SCN4B: variants seen among roughly 807,000 people sequenced by gnomAD.
SCN4B encodes the protein sodium voltage-gated channel beta subunit 4.
SCN4B carries 20 observed loss-of-function variants against 19.6 expected under a neutral mutation model. That is an observed-to-expected ratio of 1.02 (90% CI 0.72 to 1.48). The LOEUF is 1.48. Ranked by LOEUF, SCN4B falls within the 40% of genes most tolerant of loss-of-function variation. SCN4B has a pLI of 0.00. For missense variants in SCN4B, 271 were observed against 287.5 expected (o/e 0.94, Z 0.42); for synonymous variants, 127 against 122.8 (o/e 1.03, Z -0.22).
intron 4 of SCN4B, among the ~76,000 whole-genome samples, chr11:118,137,945 G>A (rs2135498470): frequency 6.6e-6 from 1 of 152,308 alleles, no homozygotes. Context: ...CAGTGGGTTT[G>A]GCTTCAAGGG....
intron 1 of SCN4B, among the ~76,000 whole-genome samples, chr11:118,145,883 C>T (rs1948167339): frequency 6.6e-6 from 1 of 152,164 alleles, no homozygotes; most frequent in African/African-American, 2.4e-5. Flanking sequence ...GCCCTCTGGC[C>T]GCCAAACGGG....
chr11:118,136,452 G>A lies in SCN4B; in HGVS notation c.*575C>T. ...ATAGGCAGATAGGGTCCCGGGGCAG[G>A]GGAAAGGAAGTTTCCTACTTGGAAG... On this transcript the variant is annotated 3_prime_UTR_variant, in exon 5 of 5. Coordinates refer to ENST00000324727, the MANE Select transcript of SCN4B (RefSeq NM_174934.4). The A allele has an allele frequency of 2.2e-6, 1 of 453,882 alleles. No homozygotes were observed. The highest frequency in any genetic ancestry group is 4.4e-6 in the Non-Finnish European group (1 of 226,714). The allele number at this position is 453,882 out of a possible 1,614,324, so 28.1% of individuals were successfully genotyped here.
intron 3 of SCN4B, 91 bp downstream of exon 3, chr11:118,143,742 C>A: frequency 2.3e-6 from 2 of 862,064 alleles, no homozygotes; most frequent in South Asian, 2.8e-5. Flanking sequence ...AACACCAACA[C>A]GGTCCATTTT....
chr11:118,152,278 A>C (rs542307397), intron 1 of SCN4B, among the ~76,000 whole-genome samples: 2 of 151,734 alleles, frequency 1.3e-5, no homozygotes, highest in South Asian at 4.2e-4. Context: ...CAAGGCACGG[A>C]CCCCCCTCCT....
intron 3 of SCN4B, among the ~76,000 whole-genome samples, chr11:118,142,246 C>T (rs964419075): frequency 6.6e-6 from 1 of 152,236 alleles, no homozygotes; most frequent in African/African-American, 2.4e-5. Flanking sequence ...AGGGTGATTA[C>T]ACAATCTGGC....
intron 1 of SCN4B, among the ~76,000 whole-genome samples, chr11:118,151,122 GCACACACACACACACA>G (rs3837425): frequency 4.7e-5 from 7 of 149,130 alleles, no homozygotes; most frequent in East Asian, 2.0e-4. Context: ...TTACACACGT[GCACACACACACACACA>G]CACACACACA....
intron 1 of SCN4B, among the ~76,000 whole-genome samples, chr11:118,146,197 C>T (rs1165469375): frequency 6.6e-6 from 1 of 152,194 alleles, no homozygotes; most frequent in Non-Finnish European, 1.5e-5. Context: ...CGAACCTCCG[C>T]CCCAGCACTC....
At chr11:118,142,109 G>C (rs1948106593) in intron 3 of SCN4B, among the ~76,000 whole-genome samples, 1 of 152,256 alleles carries the variant, frequency 6.6e-6, no homozygotes, top group African/African-American at 2.4e-5. Context: ...TTGCATGGAT[G>C]TCTGCAATAG....
chr11:118,140,324 C>T (rs942285147), intron 4 of SCN4B, among the ~76,000 whole-genome samples: 2 of 152,142 alleles, frequency 1.3e-5, no homozygotes, highest in Non-Finnish European at 2.9e-5. Context: ...CTGTATGGCC[C>T]CTCCCTACCT....
At position 118,143,870 on chromosome 11, in the gene SCN4B, C is replaced by A; in HGVS notation, c.426G>T (p.Gln142His). The A allele has an allele frequency of 1.2e-6, 2 of 1,612,980 alleles. No homozygotes were observed. The highest frequency in any genetic ancestry group is 1.7e-6 in the Non-Finnish European group (2 of 1,179,962). Residue 142 changes from glutamine to histidine, a missense_variant, in exon 3 of 5, where the codon CAG (glutamine) becomes CAT (histidine). Transcript: ENST00000324727. ...HVKNPKENNL[Q>H]HHATIFLQVV... ...CTTGGAGGAAGATGGTGGCGTGGTG[C>A]TGGAGATTATTCTCCTTGGGGTTCT... is the stretch of plus-strand genomic sequence containing the variant.
intron 2 of SCN4B, 71 bp downstream of exon 2, chr11:118,144,986 G>A: frequency 6.7e-7 from 1 of 1,483,740 alleles, no homozygotes. Context: ...AGTCCAGAAG[G>A]GACCAGAGCG....
At chr11:118,149,426 G>A (rs1948214742) in intron 1 of SCN4B, among the ~76,000 whole-genome samples, 1 of 152,226 alleles carries the variant, frequency 6.6e-6, no homozygotes, top group Non-Finnish European at 1.5e-5. Flanking sequence ...AGAGCTGGGG[G>A]GCAGAAAGTG....
chr11:118,147,403 A>G (rs1485727762), intron 1 of SCN4B, among the ~76,000 whole-genome samples: 2 of 152,224 alleles, frequency 1.3e-5, no homozygotes, highest in Non-Finnish European at 2.9e-5. Context: ...AAATGAGGAA[A>G]CAGGCTTAAA....
intron 3 of SCN4B, among the ~76,000 whole-genome samples, chr11:118,142,442 C>G (rs193236407): frequency 6.6e-6 from 1 of 152,252 alleles, no homozygotes; most frequent in African/African-American, 2.4e-5. Context: ...GAGCCCTTCC[C>G]TATTCACCCT....
intron 1 of SCN4B, among the ~76,000 whole-genome samples, chr11:118,151,938 A>C (rs1374812321): frequency 6.6e-6 from 1 of 152,254 alleles, no homozygotes; most frequent in Non-Finnish European, 1.5e-5. Flanking sequence ...CACTTCAAAA[A>C]TGAAGAGCCA....
chr11:118,150,471 C>T (rs1440454604), intron 1 of SCN4B, among the ~76,000 whole-genome samples: 2 of 152,062 alleles, frequency 1.3e-5, no homozygotes, highest in Non-Finnish European at 2.9e-5. Flanking sequence ...CACTCATGCC[C>T]CAGAGCCTCA....
Position 118,143,991 on chromosome 11 carries a change from G to T in SCN4B, c.305C>A (p.Thr102Asn). ...KVTLKDDDRI[T>N]LVGSTKEKMN... ...CTTCTCCTTAGTAGAGCCTACCAGA[G>T]TGATGCGGTCATCGTCTTTCAACGT... is the stretch of plus-strand genomic sequence containing the variant. Residue 102 changes from threonine to asparagine, a missense_variant, in exon 3 of 5, where the codon ACT (threonine) becomes AAT (asparagine). Coordinates refer to ENST00000324727, the MANE Select transcript of SCN4B (RefSeq NM_174934.4). The T allele has an allele frequency of 6.2e-7, 1 of 1,614,172 alleles. No individual in the cohort carries two copies. Among genetic ancestry groups the T allele is most frequent in the Non-Finnish European group, 8.5e-7 (1 of 1,180,000 alleles).
Position 118,148,556 on chromosome 11 carries a change from C to T in SCN4B, c.62-3327G>A, listed in dbSNP as rs892568600. 3.9e-5 allele frequency among the ~76,000 whole-genome samples: 6 copies of T among 152,220 alleles called. No homozygotes were observed. The highest frequency in any genetic ancestry group is 5.9e-5 in the Non-Finnish European group (4 of 68,042). Reference sequence around the variant, plus strand: ...CAAGCCAGGGCAGGGATGCCTCTTTCCTACTTCTCAAGCTTGGTGTGAAGC... The same window carrying T: ...CAAGCCAGGGCAGGGATGCCTCTTTTCTACTTCTCAAGCTTGGTGTGAAGC... On this transcript the variant is annotated intron_variant, in intron 1 of 4. Coordinates refer to ENST00000324727, the MANE Select transcript of SCN4B (RefSeq NM_174934.4). The surrounding 1 kb of genome is among the most constrained non-coding windows in gnomAD (Gnocchi z 4.0).
chr11:118,152,660 C>G lies in SCN4B; in HGVS notation c.14G>C (p.Gly5Ala). The change falls in exon 1 of 5, where the codon GGG (glycine) becomes GCG (alanine). Residue 5 changes from glycine to alanine, a missense_variant. By Grantham distance (60) the Gly-to-Ala change is moderately conservative. Coordinates refer to ENST00000324727, the MANE Select transcript of SCN4B (RefSeq NM_174934.4). ...TCTCGCCGGGGCTTTGCCTCCGTCCCCAGCCCCGGGCATAGTCCTGTTCTC... is the reference window on the plus strand; with the variant it reads ...TCTCGCCGGGGCTTTGCCTCCGTCCGCAGCCCCGGGCATAGTCCTGTTCTC... MPGAGDGGKAPARWL... is the reference protein window; with the variant it reads MPGAADGGKAPARWL... The G allele has an allele frequency of 6.2e-7, 1 of 1,611,140 alleles. No homozygotes were observed. Among genetic ancestry groups the G allele is most frequent in the Admixed American group, 1.7e-5 (1 of 59,936 alleles).
Sources: allele counts gnomAD v4.1 joint callset (sites outside exome capture counted in the v4.1 genomes callset), GRCh38; gene constraint gnomAD v4.1.1; non-coding constraint Gnocchi (gnomAD v3.1); transcripts MANE v1.5; gene names NCBI Gene and HGNC (gene_info 2026-07-23, HGNC 2026-07-21).